The following DHRS3 variants were observed in gnomAD, a reference collection of about 807,000 sequenced individuals.
DHRS3 encodes the protein dehydrogenase/reductase 3.
Under a neutral mutation model 27.2 loss-of-function variants are expected in DHRS3, and 14 were observed. The observed-to-expected ratio is 0.52, with a 90% CI of 0.34 to 0.81. The LOEUF (loss-of-function observed/expected upper bound fraction) is 0.81. Among genes scored for constraint, DHRS3 ranks in the 30% least tolerant of loss-of-function variants. The probability of loss-of-function intolerance (pLI) is 0.01; values close to 1 mark genes in which losing one functional copy is unlikely to be tolerated. For missense variants in DHRS3, 322 were observed against 406.2 expected, an observed-to-expected ratio of 0.79 and a Z score of 1.78; for synonymous variants, 165 against 175.9, an observed-to-expected ratio of 0.94 and a Z score of 0.49.
At chr1:12,614,197 C>A (rs1043875198) in intron 1 of DHRS3, among the ~76,000 whole-genome samples, 1 of 152,100 alleles carries the variant, frequency 6.6e-6, no homozygotes, top group African/African-American at 2.4e-5. Flanking sequence ...CGGGGATGGT[C>A]CCTACAAATA....
chr1:12,612,215 G>A (rs986777834), intron 1 of DHRS3, among the ~76,000 whole-genome samples: 5 of 152,162 alleles, frequency 3.3e-5, no homozygotes, highest in African/African-American at 1.2e-4. Flanking sequence ...TGGGAGAGAT[G>A]GGCCACTGCT....
At chr1:12,584,231 G>A (rs1243073469) in intron 1 of DHRS3, among the ~76,000 whole-genome samples, 5 of 152,068 alleles carry the variant, frequency 3.3e-5, no homozygotes, top group African/African-American at 7.2e-5. Context: ...TCAGATGTCC[G>A]TGGAGACAAG....
intron 1 of DHRS3, among the ~76,000 whole-genome samples, chr1:12,595,674 G>C (rs1488928230): frequency 6.6e-6 from 1 of 151,598 alleles, no homozygotes; most frequent in East Asian, 1.9e-4. Flanking sequence ...TGGGGTCCTG[G>C]GCCGGGCGGC....
At chr1:12,613,457 C>A (rs117680251) in intron 1 of DHRS3, among the ~76,000 whole-genome samples, 2 of 152,162 alleles carry the variant, frequency 1.3e-5, no homozygotes, top group Admixed American at 6.5e-5. Flanking sequence ...TGCCAAACAC[C>A]GAACAGATAC....
intron 1 of DHRS3, among the ~76,000 whole-genome samples, chr1:12,583,237 G>A (rs1570367800): frequency 8.2e-6 from 1 of 122,490 alleles, no homozygotes; most frequent in East Asian, 2.8e-4. Context: ...CTACCCCACT[G>A]TACCCACTCA....
intron 1 of DHRS3, among the ~76,000 whole-genome samples, chr1:12,595,754 AG>A (rs1440254991): frequency 7.5e-6 from 1 of 133,776 alleles, no homozygotes; most frequent in Non-Finnish European, 1.6e-5. Context: ...TGTGGAGAGG[AG>A]CTGGGTTGGG....
rs771924256 is a variant in DHRS3, at chr1:12,580,424, T to C, written c.339+99A>G. On this transcript the variant is annotated intron_variant, in intron 2 of 5. Transcript: ENST00000616661. ...TGCCCCGGGCAAAGCCATTCTGCCA[T>C]AAGCAGAGCTCTCTTCCAGGCCACA... The C allele has an allele frequency of 5.0e-5, 78 of 1,564,812 alleles. 2 individuals are homozygous for C. In the South Asian group the frequency reaches 8.5e-4, roughly 17 times the overall value.
chr1:12,608,903 C>T lies in DHRS3; in HGVS notation c.195+8251G>A, dbSNP rs1295452952. Among the ~76,000 whole-genome samples, 2 of 152,178 alleles carry T rather than the reference C, an allele frequency of 1.3e-5. No individual in the cohort carries two copies. Among genetic ancestry groups the T allele is most frequent in the African/African-American group, 2.4e-5 (1 of 41,444 alleles). ...ACTATACTCCCATGGATTTGCCACC[C>T]AACCTAAGTCATGGCTTCTAGCCCT... On this transcript the variant is annotated intron_variant, in intron 1 of 5. Coordinates refer to ENST00000616661, the MANE Select transcript of DHRS3 (RefSeq NM_004753.7). The surrounding 1 kb of genome is among the most constrained non-coding windows in gnomAD (Gnocchi z 4.1).
chr1:12,569,229 T>G (rs61776826), intron 5 of DHRS3, among the ~76,000 whole-genome samples: 1 of 140,264 alleles, frequency 7.1e-6, no homozygotes, highest in African/African-American at 2.7e-5. Context: ...TCTCTCTCTC[T>G]CTCACACACA....
intron 4 of DHRS3, among the ~76,000 whole-genome samples, chr1:12,575,929 A>G (rs1394023008): frequency 6.6e-6 from 1 of 151,538 alleles, no homozygotes; most frequent in African/African-American, 2.4e-5. Context: ...CTGGTCTTGA[A>G]CTCCTGACCT....
chr1:12,609,658 C>G (rs1045677013), intron 1 of DHRS3, among the ~76,000 whole-genome samples: 19 of 152,288 alleles, frequency 1.2e-4, no homozygotes, highest in African/African-American at 4.1e-4. Context: ...CTAGCAGGTC[C>G]CCCACCCCTG....
rs145389317 is a variant in DHRS3, at chr1:12,571,511, G to A, written c.824+1217C>T. 5.9e-4 allele frequency among the ~76,000 whole-genome samples: 89 copies of A among 151,818 alleles called. 2 individuals are homozygous for A. The East Asian group carries it at 0.016, about 27-fold the overall frequency. On this transcript the variant is annotated intron_variant, in intron 5 of 5. Transcript: ENST00000616661. ...TTTGGGGTACCCGGGATCTCTTCAG[G>A]GGTCTGTGAGGTCAATTTTTTTTTT...
At position 12,569,231 on chromosome 1, in the gene DHRS3, T is replaced by TCTCACACACACACACA. The variant is rs1557509331; in HGVS notation, c.825-808_825-807insTGTGTGTGTGTGTGAG. 6.5e-4 allele frequency among the ~76,000 whole-genome samples: 72 copies of TCTCACACACACACACA among 110,580 alleles called. No individual in the cohort carries two copies. The East Asian group carries it at 7.1e-3, about 11-fold the overall frequency. The allele number at this position is 110,580 out of a possible 152,430, so 72.5% of individuals were successfully genotyped here. On this transcript the variant is annotated intron_variant, in intron 5 of 5. Coordinates refer to ENST00000616661, the MANE Select transcript of DHRS3 (RefSeq NM_004753.7). ...AAACTCTGTCCCCTCTCTCTCTCTC[T>TCTCACACACACACACA]CACACACACACACACACACACACAC...
chr1:12,595,818 G>C (rs1440078162), intron 1 of DHRS3, among the ~76,000 whole-genome samples: 1 of 150,398 alleles, frequency 6.6e-6, no homozygotes, highest in Non-Finnish European at 1.5e-5. Context: ...GAAGGGGGCT[G>C]GGTTGAGGTC....
Position 12,617,162 on chromosome 1 carries a change from C to T in DHRS3, c.187G>A (p.Ala63Thr). 1 of 1,611,244 alleles carries T rather than the reference C, an allele frequency of 6.2e-7. No homozygotes were observed. Among genetic ancestry groups the T allele is most frequent in the South Asian group, 1.1e-5 (1 of 90,968 alleles). The change falls in exon 1 of 6, where the codon GCC (alanine) becomes ACC (threonine). Residue 63 changes from alanine (A) to threonine (T), a missense_variant. By Grantham distance (58) the Ala-to-Thr change is moderately conservative. Coordinates refer to ENST00000616661, the MANE Select transcript of DHRS3 (RefSeq NM_004753.7). ...QLAREFAERG[A>T]RKIVLWGRTE... ...GTCGCAGTGCCTGGTACCTTTCTGG[C>T]GCCGCGCTCCGCGAACTCGCGGGCG...
chr1:12,589,893 C>T (rs1393952196), intron 1 of DHRS3, among the ~76,000 whole-genome samples: 1 of 151,994 alleles, frequency 6.6e-6, no homozygotes, highest in Non-Finnish European at 1.5e-5. Context: ...ATAGATCCCC[C>T]TTTGCAGTAG....
At position 12,591,440 on chromosome 1, in the gene DHRS3, A is replaced by G. The variant is rs1646744754; in HGVS notation, c.196-10774T>C. Among the ~76,000 whole-genome samples the G allele has an allele frequency of 6.6e-6, 1 of 152,238 alleles. No homozygotes were observed. The highest frequency in any genetic ancestry group is 2.1e-4 in the South Asian group (1 of 4,832). On this transcript the variant is annotated intron_variant, in intron 1 of 5. Coordinates refer to ENST00000616661, the MANE Select transcript of DHRS3 (RefSeq NM_004753.7). The surrounding 1 kb of genome is among the most constrained non-coding windows in gnomAD (Gnocchi z 4.1). The stretch of plus-strand genomic sequence containing the variant: ...TCAGCTGTTGGGGAGGATTGTGATG[A>G]AGCTCCTCAAATTAGATCAGCCAGT...
At position 12,598,125 on chromosome 1, in the gene DHRS3, C is replaced by T. The variant is rs375475472; in HGVS notation, c.196-17459G>A. On this transcript the variant is annotated intron_variant, in intron 1 of 5. Coordinates refer to ENST00000616661, the MANE Select transcript of DHRS3 (RefSeq NM_004753.7). The stretch of plus-strand genomic sequence containing the variant: ...AAGTTGCCCGCACATCCAGTCTCTA[C>T]ATGTGCAGGGGCAGTGGACATGGCA... 5.3e-5 allele frequency among the ~76,000 whole-genome samples: 8 copies of T among 152,318 alleles called. No homozygotes were observed. The East Asian group carries it at 7.7e-4, about 15-fold the overall frequency.
intron 1 of DHRS3, among the ~76,000 whole-genome samples, chr1:12,616,090 T>C (rs997402579): frequency 6.6e-6 from 1 of 152,208 alleles, no homozygotes; most frequent in African/African-American, 2.4e-5. Flanking sequence ...AAAAGCAACC[T>C]GGAATTACAT....
Sources: gnomAD v4.1 joint callset for allele counts (sites outside exome capture counted in the v4.1 genomes callset) on GRCh38, gnomAD v4.1.1 for gene constraint, Gnocchi (gnomAD v3.1) non-coding constraint, MANE v1.5 for transcripts, NCBI Gene and HGNC (gene_info 2026-07-23, HGNC 2026-07-21) for gene names.